LYRM4: variants seen among roughly 807,000 people sequenced by gnomAD.
LYRM4 encodes LYR motif-containing protein 4.
A neutral mutation model predicts 11.7 loss-of-function variants in LYRM4; 9 were observed. That is an observed-to-expected ratio of 0.77 (90% CI 0.46 to 1.34). The LOEUF (loss-of-function observed/expected upper bound fraction) is 1.34. Ranked by LOEUF, LYRM4 falls within the 40% of genes most tolerant of loss-of-function variation. The probability of loss-of-function intolerance (pLI) is 0.00; values close to 1 mark genes in which losing one functional copy is unlikely to be tolerated. For synonymous variants in LYRM4, 42 were observed against 40.4 expected, an observed-to-expected ratio of 1.04 and a Z score of -0.15; for missense variants, 133 against 112.5, an observed-to-expected ratio of 1.18 and a Z score of -0.82.
At chr6:5,156,913 T>TC (rs1366371616) in intron 2 of LYRM4, among the ~76,000 whole-genome samples, 1 of 151,870 alleles carries the variant, frequency 6.6e-6, no homozygotes, top group East Asian at 1.9e-4. Flanking sequence ...TGTCACAAGA[T>TC]CCCCCCTGAA....
chr6:5,249,988 A>G (rs1764358005), intron 1 of LYRM4, among the ~76,000 whole-genome samples: 1 of 152,218 alleles, frequency 6.6e-6, no homozygotes, highest in South Asian at 2.1e-4. Context: ...AGCCATTTCA[A>G]ACAGAATGTT....
chr6:5,162,740 T>C (rs1264249461), intron 2 of LYRM4, among the ~76,000 whole-genome samples: 1 of 152,220 alleles, frequency 6.6e-6, no homozygotes, highest in Non-Finnish European at 1.5e-5. Flanking sequence ...AATGCAATCA[T>C]ACACAATGCC....
chr6:5,111,933 C>A (rs1207256282), intron 2 of LYRM4, among the ~76,000 whole-genome samples: 1 of 152,162 alleles, frequency 6.6e-6, no homozygotes, highest in Non-Finnish European at 1.5e-5. Context: ...ACAAAGCTGG[C>A]CAGAGTCAAG....
At chr6:5,085,105 G>A in the LYRM4 span, 5 of 243,784 alleles carry the variant, frequency 2.1e-5, no homozygotes, top group South Asian at 1.5e-4. Flanking sequence ...TGCGGGTGAG[G>A]GCTGCAGGGA....
the LYRM4 span, among the ~76,000 whole-genome samples, chr6:5,067,737 A>G: frequency 6.6e-6 from 1 of 152,214 alleles, no homozygotes; most frequent in Non-Finnish European, 1.5e-5. Flanking sequence ...TACATTTGGG[A>G]AAAGGAAAAG....
At chr6:5,191,033 A>G (rs898506292) in intron 2 of LYRM4, among the ~76,000 whole-genome samples, 1 of 152,230 alleles carries the variant, frequency 6.6e-6, no homozygotes, top group Non-Finnish European at 1.5e-5. Context: ...AGTTATTTTA[A>G]TAAGAATTTT....
chr6:5,240,119 T>C (rs978197890), intron 1 of LYRM4, among the ~76,000 whole-genome samples: 1 of 152,198 alleles, frequency 6.6e-6, no homozygotes, highest in Admixed American at 6.5e-5. Flanking sequence ...CACCTAGCTC[T>C]GCCAAACCTA....
chr6:5,156,610 C>G (rs922941384), intron 2 of LYRM4, among the ~76,000 whole-genome samples: 1 of 152,166 alleles, frequency 6.6e-6, no homozygotes, highest in Admixed American at 6.5e-5. Flanking sequence ...GGGTGACCTG[C>G]GGAGGCTCCT....
the LYRM4 span, among the ~76,000 whole-genome samples, chr6:5,081,693 T>C: frequency 6.6e-6 from 1 of 152,260 alleles, no homozygotes; most frequent in Non-Finnish European, 1.5e-5. Flanking sequence ...AATTTTCTGA[T>C]AGAACATTTG....
chr6:5,179,028 A>G (rs1305140989), intron 2 of LYRM4, among the ~76,000 whole-genome samples: 1 of 148,000 alleles, frequency 6.8e-6, no homozygotes, highest in African/African-American at 2.5e-5. Context: ...ACTGAGAAGT[A>G]AATGTAAAAT....
intron 1 of LYRM4, among the ~76,000 whole-genome samples, chr6:5,222,234 C>T (rs1257684915): frequency 6.6e-6 from 1 of 151,992 alleles, no homozygotes; most frequent in Admixed American, 6.6e-5. Context: ...ATGAGCTTAT[C>T]AAAATATCAT....
At chr6:5,037,577 T>C in the LYRM4 span, among the ~76,000 whole-genome samples, 1 of 76,954 alleles carries the variant, frequency 1.3e-5, no homozygotes, top group Non-Finnish European at 3.1e-5. Context: ...CACTTCCCAG[T>C]AGGGGCGGCC....
intron 2 of LYRM4, among the ~76,000 whole-genome samples, chr6:5,119,875 T>C (rs1312772878): frequency 1.3e-5 from 2 of 150,322 alleles, no homozygotes; most frequent in Non-Finnish European, 3.0e-5. Context: ...ATCTGTGACA[T>C]TCCGCATCAT....
At chr6:5,077,412 G>A in the LYRM4 span, among the ~76,000 whole-genome samples, 1 of 152,308 alleles carries the variant, frequency 6.6e-6, no homozygotes, top group Middle Eastern at 3.4e-3. Flanking sequence ...AAGACGCTGG[G>A]GACAGGACCT....
downstream of LYRM4, among the ~76,000 whole-genome samples, chr6:5,098,807 G>A (rs1195235403): frequency 2.0e-5 from 3 of 152,166 alleles, no homozygotes; most frequent in Non-Finnish European, 4.4e-5. Flanking sequence ...CTTGCTGAGG[G>A]GAATGGCTGC....
At chr6:5,050,404 G>A in the LYRM4 span, among the ~76,000 whole-genome samples, 1 of 152,180 alleles carries the variant, frequency 6.6e-6, no homozygotes, top group African/African-American at 2.4e-5. Flanking sequence ...GGTTATGGAG[G>A]TGTAGACACG....
At chr6:5,223,283 TATC>T (rs1268624143) in intron 1 of LYRM4, among the ~76,000 whole-genome samples, 2 of 152,200 alleles carry the variant, frequency 1.3e-5, no homozygotes, top group African/African-American at 2.4e-5. Flanking sequence ...AACAAAAGAA[TATC>T]ATCAATTTCT....
At chr6:5,039,464 C>G in the LYRM4 span, among the ~76,000 whole-genome samples, 1 of 152,136 alleles carries the variant, frequency 6.6e-6, no homozygotes, top group Admixed American at 6.6e-5. Flanking sequence ...GAATGAGGGT[C>G]AAAAGTAAGT....
chr6:5,217,423 C>T (rs1274251801), intron 1 of LYRM4, among the ~76,000 whole-genome samples: 1 of 152,208 alleles, frequency 6.6e-6, no homozygotes, highest in East Asian at 1.9e-4. Context: ...AAGGCTTGCC[C>T]ATCGGACAGG....
Sources: gnomAD v4.1 joint callset for allele counts (sites outside exome capture counted in the v4.1 genomes callset) on GRCh38, gnomAD v4.1.1 for gene constraint, MANE v1.5 for transcripts, NCBI Gene and HGNC (gene_info 2026-07-23, HGNC 2026-07-21) for gene names.